The following DIS3 variants were observed in gnomAD, a reference collection of about 807,000 sequenced individuals.
DIS3 encodes exosome complex exonuclease RRP44.
DIS3 carries 103 observed loss-of-function variants against 113.0 expected under a neutral mutation model. The observed-to-expected ratio is 0.91, with a 90% CI of 0.78 to 1.07. DIS3 has a LOEUF of 1.07. Among genes scored for constraint, DIS3 ranks in the 50% least tolerant of loss-of-function variants. DIS3 has a pLI of 0.00. For synonymous variants in DIS3, 402 were observed against 394.3 expected (o/e 1.02, Z -0.23); for missense variants, 1,121 against 1,167.1 (o/e 0.96, Z 0.58).
rs772692219 is a variant in DIS3, at chr13:72,772,216, T to A, written c.1446A>T (p.Gly482=). 2.2e-5 allele frequency: 36 copies of A among 1,613,472 alleles called. No individual in the cohort carries two copies. The highest frequency in any genetic ancestry group is 3.0e-5 in the Non-Finnish European group (35 of 1,179,906). ...HLCICSVDPP[G]CTDIDDALHC... is the part of the protein sequence containing the mutation. ...GTAGAGCATCGTCTATATCAGTACA[T>A]CCTGGTGGGTCTACACTACAAATAC... Residue 482 remains glycine, a synonymous_variant, in exon 10 of 21, where the codon GGA becomes GGT. Transcript: ENST00000377767.
intron 12 of DIS3, 40 bp from the exon 13 acceptor site, chr13:72,771,028 G>A (rs1279108089): frequency 1.2e-6 from 2 of 1,608,324 alleles, no homozygotes; most frequent in African/African-American, 1.3e-5. Flanking sequence ...ATGGGAATCA[G>A]GTTAAAGTAG....
In DIS3 at chr13:72,759,645, T is replaced by A; in HGVS notation, c.*150A>T. 1 of 609,958 alleles carries A rather than the reference T, an allele frequency of 1.6e-6. No individual in the cohort carries two copies. 37.8% of individuals were successfully genotyped at this position (609,958 alleles called of 1,614,324 possible). On this transcript the variant is annotated 3_prime_UTR_variant, in exon 21 of 21. Coordinates refer to ENST00000377767, the MANE Select transcript of DIS3 (RefSeq NM_014953.5). The stretch of plus-strand genomic sequence containing the variant: ...TAGTAGTATGATGGGTCAGATACAG[T>A]CAACTGTTCAATAAAAATGCAGATG...
intron 14 of DIS3, among the ~76,000 whole-genome samples, chr13:72,766,304 T>TTG (rs2033749920): frequency 6.6e-6 from 1 of 152,218 alleles, no homozygotes; most frequent in African/African-American, 2.4e-5. Flanking sequence ...CAAGGAAATC[T>TTG]GAATCCCTGT....
In DIS3 at chr13:72,752,519, A is replaced by G. The variant is rs908335111; in HGVS notation, c.*7276T>C. ...CTTCCCTCCATATATATCCAGTTAC[A>G]TATTAGTATTGCATTATAAGCCAGC... is the stretch of plus-strand genomic sequence containing the variant. On this transcript the variant is annotated 3_prime_UTR_variant, in exon 21 of 21. Transcript: ENST00000377767. The G allele has an allele frequency of 2.0e-5, 3 of 152,206 alleles. No homozygotes were observed. The highest frequency in any genetic ancestry group is 4.4e-5 in the Non-Finnish European group (3 of 68,028). 9.4% of individuals were successfully genotyped at this position (152,206 alleles called of 1,614,324 possible).
intron 15 of DIS3, 131 bp from the exon 16 acceptor site, chr13:72,763,738 T>C (rs1429907278): frequency 2.4e-6 from 2 of 828,452 alleles, no homozygotes; most frequent in South Asian, 4.1e-5. Context: ...TTCATATGTG[T>C]GTGTACATTT....
Position 72,780,843 on chromosome 13 carries a change from T to C in DIS3, c.386+3A>G, listed in dbSNP as rs2034173453. 1 of 1,595,470 alleles carries C rather than the reference T, an allele frequency of 6.3e-7. No individual in the cohort carries two copies. The highest frequency in any genetic ancestry group is 8.5e-7 in the Non-Finnish European group (1 of 1,173,262). ...CTGATATTTAACGTAATATTCCTCC[T>C]ACCTATGGTGCTCATTAGTGAAAGT... On this transcript the variant is annotated splice_donor_region_variant and intron_variant, in intron 2 of 20. Transcript: ENST00000377767.
Position 72,755,722 on chromosome 13 carries a change from T to C in DIS3, c.*4073A>G. The C allele has an allele frequency of 2.5e-6, 1 of 397,550 alleles. No homozygotes were observed. Among genetic ancestry groups the C allele is most frequent in the Non-Finnish European group, 4.4e-6 (1 of 225,944 alleles). The allele number at this position is 397,550 out of a possible 1,614,324, so 24.6% of individuals were successfully genotyped here. A position where few individuals can be genotyped will look rare whatever the true frequency, so the allele number is the denominator to read the frequency against. ...AACAGGTTTCCTGAAATTTTAGTTC[T>C]TGGTCTGTTCACCTCTGTGGGGAAA... On this transcript the variant is annotated 3_prime_UTR_variant, in exon 21 of 21. Transcript: ENST00000377767.
At chr13:72,781,094 T>A in intron 1 of DIS3, 91 bp from the exon 2 acceptor site, 1 of 1,411,196 alleles carries the variant, frequency 7.1e-7, no homozygotes, top group Non-Finnish European at 9.6e-7. Flanking sequence ...GCATAAATAC[T>A]TTATGTTTTA....
At chr13:72,764,085 G>C (rs2033693471) in intron 15 of DIS3, among the ~76,000 whole-genome samples, 1 of 152,146 alleles carries the variant, frequency 6.6e-6, no homozygotes, top group African/African-American at 2.4e-5. Flanking sequence ...CCGGGAGGTG[G>C]AGGTTGCAGT....
rs753069910 is a variant in DIS3, at chr13:72,758,287, A to C, written c.*1508T>G. The C allele has an allele frequency of 1.1e-5, 2 of 181,986 alleles. No individual in the cohort carries two copies. Among genetic ancestry groups the C allele is most frequent in the Non-Finnish European group, 2.3e-5 (2 of 85,288 alleles). The allele number at this position is 181,986 out of a possible 1,614,324, so 11.3% of individuals were successfully genotyped here. Reference sequence around the variant, plus strand: ...AGGGTATACCATCTAGGTTTGTGTAACTACATCATGATTTTCACACAATGA... The same window carrying C: ...AGGGTATACCATCTAGGTTTGTGTACCTACATCATGATTTTCACACAATGA... On this transcript the variant is annotated 3_prime_UTR_variant, in exon 21 of 21. Transcript: ENST00000377767.
In DIS3 at chr13:72,756,999, G is replaced by A. The variant is rs1054106276; in HGVS notation, c.*2796C>T. On this transcript the variant is annotated 3_prime_UTR_variant, in exon 21 of 21. Coordinates refer to ENST00000377767, the MANE Select transcript of DIS3 (RefSeq NM_014953.5). ...TTTTGAGTTAAGTGATATATTCCAC[G>A]TAACCTGCTTAGCATAAGAACTGGC... 1 of 152,066 alleles carries A rather than the reference G, an allele frequency of 6.6e-6. No individual in the cohort carries two copies. The highest frequency in any genetic ancestry group is 1.9e-4 in the East Asian group (1 of 5,190). The allele number at this position is 152,066 out of a possible 1,614,324, so 9.4% of individuals were successfully genotyped here.
In DIS3 at chr13:72,757,417, T is replaced by G. The variant is rs2033510086; in HGVS notation, c.*2378A>C. On this transcript the variant is annotated 3_prime_UTR_variant, in exon 21 of 21. Coordinates refer to ENST00000377767, the MANE Select transcript of DIS3 (RefSeq NM_014953.5). ...ACTTGCCACCACACCTGGCTAATTT[T>G]CTTTTCTTTTTTTTTTTTTTTTTTT... 1 of 133,960 alleles carries G rather than the reference T, an allele frequency of 7.5e-6. No homozygotes were observed. Among genetic ancestry groups the G allele is most frequent in the Non-Finnish European group, 1.6e-5 (1 of 62,218 alleles). 8.3% of individuals were successfully genotyped at this position (133,960 alleles called of 1,614,324 possible). A position where few individuals can be genotyped will look rare whatever the true frequency, so the allele number is the denominator to read the frequency against.
chr13:72,761,327 C>T, intron 19 of DIS3, 36 bp downstream of exon 19: 1 of 1,562,768 alleles, frequency 6.4e-7, no homozygotes, highest in Non-Finnish European at 8.6e-7. Flanking sequence ...AAAAAGTGCC[C>T]CCCGGAAAAG....
At chr13:72,774,093 T>G in intron 6 of DIS3, 34 bp from the exon 7 acceptor site, 2 of 1,437,014 alleles carry the variant, frequency 1.4e-6, no homozygotes, top group Non-Finnish European at 1.9e-6. Flanking sequence ...TCAGTTATAT[T>G]CCTCTAAGTA....
intron 1 of DIS3, chr13:72,781,344 A>G: frequency 6.4e-7 from 1 of 1,551,276 alleles, no homozygotes; most frequent in Non-Finnish European, 8.7e-7. Flanking sequence ...CCCGGCCTCC[A>G]GGCACTTACA....
At chr13:72,780,196 C>G (rs770939454) in intron 2 of DIS3, among the ~76,000 whole-genome samples, 2 of 151,566 alleles carry the variant, frequency 1.3e-5, no homozygotes, top group Non-Finnish European at 2.9e-5. Context: ...CATAGTGGTG[C>G]GTGACTGTAA....
At chr13:72,766,208 T>A in intron 14 of DIS3, 150 bp from the exon 15 acceptor site, 2 of 568,994 alleles carry the variant, frequency 3.5e-6, no homozygotes, top group Non-Finnish European at 5.9e-6. Context: ...TGTTTCATGT[T>A]CTATTTTCAT....
At position 72,759,272 on chromosome 13, in the gene DIS3, A is replaced by T. The variant is rs879259275; in HGVS notation, c.*523T>A. 9 of 203,652 alleles carry T rather than the reference A, an allele frequency of 4.4e-5. No homozygotes were observed. The highest frequency in any genetic ancestry group is 9.1e-5 in the Non-Finnish European group (9 of 99,256). The allele number at this position is 203,652 out of a possible 1,614,324, so 12.6% of individuals were successfully genotyped here. A position where few individuals can be genotyped will look rare whatever the true frequency, so the allele number is the denominator to read the frequency against. Reference sequence around the variant, plus strand: ...GTTTTTCAAGGACCACTAATAAAATACAGGAAGCTTTTAAAGACAGTAAGA... The same window carrying T: ...GTTTTTCAAGGACCACTAATAAAATTCAGGAAGCTTTTAAAGACAGTAAGA... On this transcript the variant is annotated 3_prime_UTR_variant, in exon 21 of 21. Transcript: ENST00000377767.
At chr13:72,775,147 C>A in intron 6 of DIS3, 64 bp downstream of exon 6, 1 of 1,444,636 alleles carries the variant, frequency 6.9e-7, no homozygotes. Flanking sequence ...ACTTGTTTTC[C>A]AAAGCTGACA....
Sources: allele counts gnomAD v4.1 joint callset (sites outside exome capture counted in the v4.1 genomes callset), GRCh38; gene constraint gnomAD v4.1.1; transcripts MANE v1.5; gene names NCBI Gene and HGNC (gene_info 2026-07-23, HGNC 2026-07-21).